The following MYO9B variants were observed in gnomAD, a reference collection of about 807,000 sequenced individuals.
MYO9B encodes unconventional myosin-IXb.
MYO9B carries 71 observed loss-of-function variants against 229.5 expected under a neutral mutation model. The ratio of observed to expected loss-of-function variants is 0.31; its 90% CI spans 0.26 to 0.38. The LOEUF is 0.38. MYO9B is among the 10% of genes least tolerant of loss of function. MYO9B has a pLI of 1.00. For synonymous variants in MYO9B, 1,185 were observed against 1,235.8 expected, an observed-to-expected ratio of 0.96 and a Z score of 0.86; for missense variants, 2,255 against 2,920.5, an observed-to-expected ratio of 0.77 and a Z score of 5.25.
chr19:17,154,136 G>A (rs554412470), intron 5 of MYO9B, 70 bp downstream of exon 5: 49 of 1,498,802 alleles, frequency 3.3e-5, no homozygotes, highest in African/African-American at 1.7e-4. Flanking sequence ...ATGTATAGCC[G>A]GGAAGTCAGA....
At chr19:17,091,351 G>A (rs988507908) in intron 1 of MYO9B, among the ~76,000 whole-genome samples, 3 of 152,280 alleles carry the variant, frequency 2.0e-5, no homozygotes, top group South Asian at 2.1e-4. Flanking sequence ...TCGGCCTCCC[G>A]AGTAGCTGGG....
chr19:17,212,031 G>A lies in MYO9B; in HGVS notation c.6195G>A (p.Met2065Ile), dbSNP rs779098226. The A allele has an allele frequency of 2.5e-6, 4 of 1,606,998 alleles. No individual in the cohort carries two copies. In the South Asian group the frequency reaches 4.4e-5, roughly 18 times the overall value. ...AGACCCCCCGGCGGACCCCCATCAT[G>A]CCCACGGCCAACATCAAGCTCCCAC... is the stretch of plus-strand genomic sequence containing the variant. ...RVKTPRRTPI[M>I]PTANIKLPPG... Residue 2065 changes from methionine to isoleucine, a missense_variant, in exon 40 of 40, where the codon ATG (methionine) becomes ATA (isoleucine). Coordinates refer to ENST00000682292, the MANE Select transcript of MYO9B (RefSeq NM_004145.4). This position sits in a 1 kb window ranked among gnomAD's most constrained non-coding sequence, Gnocchi z 5.4.
chr19:17,116,451 ATAAT>A (rs1289766129), intron 2 of MYO9B, among the ~76,000 whole-genome samples: 1 of 152,042 alleles, frequency 6.6e-6, no homozygotes, highest in East Asian at 1.9e-4. Context: ...CAGTTGGGGG[ATAAT>A]TAAGCCAGAG....
intron 1 of MYO9B, among the ~76,000 whole-genome samples, chr19:17,084,479 G>T (rs2057563214): frequency 1.3e-5 from 2 of 151,998 alleles, no homozygotes; most frequent in Admixed American, 6.6e-5. Context: ...CCTCTCTGTG[G>T]TGGGACCCTG....
At chr19:17,182,438 T>C (rs2072872068) in intron 15 of MYO9B, among the ~76,000 whole-genome samples, 1 of 151,996 alleles carries the variant, frequency 6.6e-6, no homozygotes, top group African/African-American at 2.4e-5. Context: ...AGAGTCTCAC[T>C]CTGTCGCCAG....
In MYO9B at chr19:17,183,868, G is replaced by T; in HGVS notation, c.2373G>T (p.Lys791Asn). The T allele has an allele frequency of 6.4e-7, 1 of 1,572,220 alleles. No homozygotes were observed. The highest frequency in any genetic ancestry group is 8.6e-7 in the Non-Finnish European group (1 of 1,163,350). The change falls in exon 16 of 40, where the codon AAG (lysine) becomes AAT (asparagine). Residue 791 changes from lysine to asparagine, a missense_variant and splice_region_variant. Physicochemically the swap from Lys to Asn is moderately conservative, Grantham distance 94. Transcript: ENST00000682292. ...KGIKQKQIIP[K>N]NLLDSKSLKL... ...TCAAACAAAAGCAGATCATTCCAAAGGTAAAAAAAAAAACACACCCCGCGC... is the reference window on the plus strand; with the variant it reads ...TCAAACAAAAGCAGATCATTCCAAATGTAAAAAAAAAAACACACCCCGCGC...
intron 9 of MYO9B, among the ~76,000 whole-genome samples, 157 bp downstream of exon 9, chr19:17,162,623 A>G (rs1377610382): frequency 6.6e-6 from 1 of 152,076 alleles, no homozygotes; most frequent in African/African-American, 2.4e-5. Flanking sequence ...AGGACAGGCT[A>G]CGAAATTCAA....
intron 2 of MYO9B, among the ~76,000 whole-genome samples, chr19:17,125,297 TC>T (rs67309597): frequency 0.57 from 56,974 of 99,768 alleles, 12,735 homozygotes; most frequent in East Asian, 0.62. Flanking sequence ...TAAAACCCCA[TC>T]CCCCCCCCCC....
intron 22 of MYO9B, among the ~76,000 whole-genome samples, chr19:17,197,276 TA>T (rs34646423): frequency 0.55 from 75,982 of 139,076 alleles, 21,428 homozygotes; most frequent in East Asian, 0.76. Context: ...AAACTCCGTC[TA>T]AAAAAAAAAA....
chr19:17,206,655 G>C (rs1415994074), intron 33 of MYO9B, 24 bp from the exon 34 acceptor site: 2 of 1,550,674 alleles, frequency 1.3e-6, no homozygotes, highest in Admixed American at 3.9e-5. Flanking sequence ...GGGAGCTGAC[G>C]TCCTCAAACC....
In MYO9B at chr19:17,113,466, ACT is replaced by A. The variant is rs144251174; in HGVS notation, c.840+10911_840+10912del. Among the ~76,000 whole-genome samples, 76 of 152,244 alleles carry A rather than the reference ACT, an allele frequency of 5.0e-4. 1 individual carries two copies. Among genetic ancestry groups the A allele is most frequent in the African/African-American group, 1.6e-3 (65 of 41,536 alleles). On this transcript the variant is annotated intron_variant, in intron 2 of 39. Transcript: ENST00000682292. ...CCTGCTCGCCCTGCGAGCGGTCAAG[ACT>A]CAGGCTAGCCCAGGCCATCCGAAAG...
intron 14 of MYO9B, among the ~76,000 whole-genome samples, chr19:17,179,497 G>A (rs1241744435): frequency 1.4e-5 from 2 of 144,888 alleles, no homozygotes; most frequent in Non-Finnish European, 3.0e-5. Context: ...TGCGATCTCG[G>A]CTCACTACAA....
chr19:17,078,631 G>C (rs530640572), intron 1 of MYO9B, among the ~76,000 whole-genome samples: 1 of 152,292 alleles, frequency 6.6e-6, no homozygotes, highest in South Asian at 2.1e-4. Flanking sequence ...GGGAGAATTA[G>C]GGACAACCAA....
intron 2 of MYO9B, among the ~76,000 whole-genome samples, chr19:17,107,757 T>C (rs2057806150): frequency 6.6e-6 from 1 of 152,226 alleles, no homozygotes; most frequent in South Asian, 2.1e-4. Context: ...TCACGTGGCT[T>C]TCTTATAACA....
At chr19:17,168,276 G>A (rs1302342535) in intron 11 of MYO9B, among the ~76,000 whole-genome samples, 1 of 152,144 alleles carries the variant, frequency 6.6e-6, no homozygotes, top group Non-Finnish European at 1.5e-5. Context: ...GTGATCCCCT[G>A]ACGTGAGCCT....
intron 2 of MYO9B, among the ~76,000 whole-genome samples, chr19:17,141,011 C>T (rs993742183): frequency 2.0e-5 from 3 of 150,854 alleles, no homozygotes; most frequent in Non-Finnish European, 3.0e-5. Context: ...GGCTGAAGCA[C>T]GAGAATCACT....
chr19:17,181,206 C>T (rs1173154042), intron 15 of MYO9B, among the ~76,000 whole-genome samples, 166 bp downstream of exon 15: 1 of 152,246 alleles, frequency 6.6e-6, no homozygotes, highest in African/African-American at 2.4e-5. Flanking sequence ...CAATAACACC[C>T]CTGGCCTCTG....
chr19:17,179,420 ATTT>A (rs747998068), intron 14 of MYO9B, among the ~76,000 whole-genome samples: 6 of 86,682 alleles, frequency 6.9e-5, no homozygotes, highest in African/African-American at 1.1e-4. Context: ...GCCCCAACTG[ATTT>A]TTTTTTTTTT....
chr19:17,158,347 G>A (rs527470483), intron 7 of MYO9B, among the ~76,000 whole-genome samples: 86 of 151,898 alleles, frequency 5.7e-4, no homozygotes, highest in African/African-American at 2.0e-3. Context: ...TGAGGCAGGT[G>A]GATCGTCTGA....
Sources: gnomAD v4.1 joint callset for allele counts (sites outside exome capture counted in the v4.1 genomes callset) on GRCh38, gnomAD v4.1.1 for gene constraint, Gnocchi (gnomAD v3.1) non-coding constraint, MANE v1.5 for transcripts, NCBI Gene and HGNC (gene_info 2026-07-23, HGNC 2026-07-21) for gene names.